USP34: variants seen among roughly 807,000 people sequenced by gnomAD.
USP34 encodes the protein ubiquitin specific peptidase 34.
In USP34, 70 loss-of-function variants were observed where a neutral mutation model predicts 460.3. The observed-to-expected ratio is 0.15, with a 90% CI of 0.13 to 0.19. The LOEUF is 0.19. Ranked by LOEUF, USP34 falls within the 10% of genes least tolerant of loss-of-function variation. The pLI is 1.00. For missense variants in USP34, 3,985 were observed against 4,236.2 expected (o/e 0.94, Z 1.65); for synonymous variants, 1,647 against 1,405.3 (o/e 1.17, Z -3.85).
At chr2:61,196,849 CTA>C (rs1320798610) in intron 75 of USP34, among the ~76,000 whole-genome samples, 2 of 152,136 alleles carry the variant, frequency 1.3e-5, no homozygotes, top group African/African-American at 2.4e-5. Flanking sequence ...AAAGCAATCT[CTA>C]TATCTATTTT....
At chr2:61,239,608 T>C (rs1344061200) in intron 53 of USP34, among the ~76,000 whole-genome samples, 1 of 152,180 alleles carries the variant, frequency 6.6e-6, no homozygotes, top group East Asian at 1.9e-4. Context: ...GCTTCAAATC[T>C]AATGAAGCCA....
intron 37 of USP34, among the ~76,000 whole-genome samples, chr2:61,282,801 A>C (rs1689572036): frequency 6.6e-6 from 1 of 152,026 alleles, no homozygotes; most frequent in African/African-American, 2.4e-5. Context: ...TGTCTCAAAG[A>C]AAGAAAAAAA....
intron 66 of USP34, among the ~76,000 whole-genome samples, chr2:61,221,291 C>G (rs1020684095): frequency 3.3e-5 from 5 of 152,104 alleles, no homozygotes; most frequent in Non-Finnish European, 7.4e-5. Context: ...GGAATGAAAA[C>G]TTCAAATTGG....
At chr2:61,442,160 T>C (rs1694984998) in intron 1 of USP34, among the ~76,000 whole-genome samples, 1 of 151,988 alleles carries the variant, frequency 6.6e-6, no homozygotes, top group Admixed American at 6.6e-5. Flanking sequence ...ATAAGACTAC[T>C]AGAACAAAAC....
At chr2:61,281,861 T>C (rs955061290) in intron 37 of USP34, among the ~76,000 whole-genome samples, 3 of 152,180 alleles carry the variant, frequency 2.0e-5, no homozygotes, top group African/African-American at 7.2e-5. Flanking sequence ...TTTTCAGAAC[T>C]AGAAGCAACA....
chr2:61,223,537 G>A, intron 62 of USP34: 1 of 450,160 alleles, frequency 2.2e-6, no homozygotes, highest in Non-Finnish European at 3.9e-6. Context: ...TACTATTTTA[G>A]TATATAAAAC....
rs1359612796 is a variant in USP34, at chr2:61,189,241, T to C, written c.9874-172A>G. The C allele has an allele frequency of 2.4e-5, 15 of 626,964 alleles. No homozygotes were observed. In the Admixed American group the frequency reaches 4.7e-4, roughly 20 times the overall value. The allele number at this position is 626,964 out of a possible 1,614,324, so 38.8% of individuals were successfully genotyped here. A position where few individuals can be genotyped will look rare whatever the true frequency, so the allele number is the denominator to read the frequency against. ...AACCAGAAAGCCAGTGTTAAGATAC[T>C]ACAGCATTTCATTAGTTGTTTTTTT... On this transcript the variant is annotated intron_variant, in intron 78 of 79. Coordinates refer to ENST00000398571, the MANE Select transcript of USP34 (RefSeq NM_014709.4).
At chr2:61,367,364 G>C (rs752471281) in intron 10 of USP34, among the ~76,000 whole-genome samples, 1 of 152,160 alleles carries the variant, frequency 6.6e-6, no homozygotes, top group Non-Finnish European at 1.5e-5. Flanking sequence ...GTGGTGGCTC[G>C]TGTCTGTAGT....
At chr2:61,194,682 G>A (rs1686743914) in intron 75 of USP34, among the ~76,000 whole-genome samples, 2 of 152,206 alleles carry the variant, frequency 1.3e-5, no homozygotes, top group Admixed American at 6.5e-5. Context: ...GGGGCCAGGC[G>A]CAGTGGCTCA....
At chr2:61,358,681 C>G (rs929702121) in intron 10 of USP34, among the ~76,000 whole-genome samples, 1 of 152,096 alleles carries the variant, frequency 6.6e-6, no homozygotes, top group Non-Finnish European at 1.5e-5. Flanking sequence ...AAAACTATCT[C>G]TAATTGCAAA....
chr2:61,243,732 A>G (rs929145186), intron 51 of USP34, among the ~76,000 whole-genome samples: 3 of 151,784 alleles, frequency 2.0e-5, no homozygotes, highest in Admixed American at 6.6e-5. Flanking sequence ...TTAGCTGGGC[A>G]TGGTGGCGCG....
At chr2:61,345,146 T>C (rs141729741) in intron 15 of USP34, among the ~76,000 whole-genome samples, 283 of 151,906 alleles carry the variant, frequency 1.9e-3, no homozygotes, top group African/African-American at 6.5e-3. Flanking sequence ...TGGTGGTGCA[T>C]ACCCATAATC....
At chr2:61,227,022 T>G in intron 62 of USP34, 45 bp downstream of exon 62, 1 of 1,547,646 alleles carries the variant, frequency 6.5e-7, no homozygotes, top group Non-Finnish European at 8.7e-7. Context: ...GTAAAAATAA[T>G]AAAACCAAAC....
chr2:61,281,205 T>A lies in USP34; in HGVS notation c.5036A>T (p.Lys1679Met). 6.2e-7 allele frequency: 1 copy of A among 1,614,048 alleles called. No homozygotes were observed. Among genetic ancestry groups the A allele is most frequent in the Non-Finnish European group, 8.5e-7 (1 of 1,179,962 alleles). Residue 1679 changes from lysine to methionine, a missense_variant, in exon 38 of 80, where the codon AAG (lysine) becomes ATG (methionine). Coordinates refer to ENST00000398571, the MANE Select transcript of USP34 (RefSeq NM_014709.4). ...VRHESCSGLY[K>M]LSLSGLDGGD... ...TCCATCCAGCCCTGACAGGGATAAC[T>A]TATAGAGACCACTGCATGATTCATG...
chr2:61,197,459 TAA>T (rs746559778), intron 75 of USP34, among the ~76,000 whole-genome samples: 3 of 152,194 alleles, frequency 2.0e-5, no homozygotes, highest in Non-Finnish European at 2.9e-5. Context: ...TTGATATAGT[TAA>T]GACTGTAGTC....
intron 1 of USP34, among the ~76,000 whole-genome samples, chr2:61,465,909 G>A (rs764930905): frequency 1.8e-4 from 28 of 151,986 alleles, no homozygotes; most frequent in Non-Finnish European, 3.7e-4. Context: ...CCCGGGAGGC[G>A]GAGCTTGCAG....
chr2:61,372,040 T>C (rs139036543), intron 8 of USP34, among the ~76,000 whole-genome samples: 32 of 152,286 alleles, frequency 2.1e-4, no homozygotes, highest in African/African-American at 7.0e-4. Context: ...AAGTACCATA[T>C]GACTATATTA....
intron 72 of USP34, among the ~76,000 whole-genome samples, chr2:61,205,064 C>T (rs1044445927): frequency 6.6e-6 from 1 of 152,034 alleles, no homozygotes; most frequent in Non-Finnish European, 1.5e-5. Flanking sequence ...TGCTATGTTG[C>T]CCAGGCTGCT....
intron 1 of USP34, 101 bp downstream of exon 1, chr2:61,470,549 G>A (rs1185791446): frequency 1.9e-5 from 14 of 752,854 alleles, no homozygotes; most frequent in African/African-American, 5.6e-5. Flanking sequence ...CGCCCGGCCC[G>A]GCCGTCGCCT....
Sources: allele counts gnomAD v4.1 joint callset (sites outside exome capture counted in the v4.1 genomes callset), GRCh38; gene constraint gnomAD v4.1.1; transcripts MANE v1.5; gene names NCBI Gene and HGNC (gene_info 2026-07-23, HGNC 2026-07-21).